The following INSR variants were observed in gnomAD, a reference collection of about 807,000 sequenced individuals.
INSR encodes the protein IR.
Under a neutral mutation model 142.6 loss-of-function variants are expected in INSR, and 67 were observed. The observed-to-expected ratio is 0.47, with a 90% CI of 0.39 to 0.58. INSR has a LOEUF of 0.58. Ranked by LOEUF, INSR falls within the 20% of genes least tolerant of loss-of-function variation. The pLI, the probability that INSR is intolerant of heterozygous loss-of-function variation, is 0.00. For synonymous variants in INSR, 756 were observed against 743.1 expected, an observed-to-expected ratio of 1.02 and a Z score of -0.28; for missense variants, 1,248 against 1,833.2, an observed-to-expected ratio of 0.68 and a Z score of 5.83.
intron 2 of INSR, among the ~76,000 whole-genome samples, chr19:7,259,104 C>CTTCCTTCCTTCT (rs138400357): frequency 0.66 from 85,218 of 129,264 alleles, 30,115 homozygotes; most frequent in Admixed American, 0.79. Flanking sequence ...TCCCTCCTTC[C>CTTCCTTCCTTCT]TTCCTTCCTT....
At chr19:7,180,481 G>A (rs1029686291) in intron 3 of INSR, among the ~76,000 whole-genome samples, 1 of 142,286 alleles carries the variant, frequency 7.0e-6, no homozygotes, top group African/African-American at 2.7e-5. Flanking sequence ...AGTGAGCCAT[G>A]TGGGTGCCAC....
intron 2 of INSR, among the ~76,000 whole-genome samples, chr19:7,247,969 C>G (rs540136629): frequency 6.6e-6 from 1 of 152,138 alleles, no homozygotes; most frequent in African/African-American, 2.4e-5. Context: ...CAGCGTCATT[C>G]TAGAATTTCA....
At chr19:7,263,420 C>A (rs1977124904) in intron 2 of INSR, among the ~76,000 whole-genome samples, 1 of 152,044 alleles carries the variant, frequency 6.6e-6, no homozygotes, top group South Asian at 2.1e-4. Context: ...ATTTTTTGGC[C>A]CCCTGGGGAT....
chr19:7,249,336 A>G (rs1000026985), intron 2 of INSR, among the ~76,000 whole-genome samples: 11 of 152,140 alleles, frequency 7.2e-5, no homozygotes, highest in Non-Finnish European at 1.5e-5. Context: ...TTCCTTTGCA[A>G]ATAACCTTCA....
chr19:7,174,004 C>T (rs1974078966), intron 4 of INSR, among the ~76,000 whole-genome samples: 1 of 151,828 alleles, frequency 6.6e-6, no homozygotes, highest in Non-Finnish European at 1.5e-5. Flanking sequence ...ATTCCAAAGC[C>T]AGGTGGGGTG....
rs1555746888 is a variant in INSR, at chr19:7,184,663, G to GGAAAT, written c.653-27_653-26insATTTC. 637 of 962,512 alleles carry GGAAAT rather than the reference G, an allele frequency of 6.6e-4. 3 individuals are homozygous for GGAAAT. The highest frequency in any genetic ancestry group is 5.2e-3 in the African/African-American group (279 of 54,032). The allele number at this position is 962,512 out of a possible 1,614,324, so 59.6% of individuals were successfully genotyped here. ...CTGGAGAGAGAGAGAGAGAGAGAGG[G>GGAAAT]AAATAAATAAATAAATAAATAAATA... is the stretch of plus-strand genomic sequence containing the variant. On this transcript the variant is annotated intron_variant, in intron 2 of 21. Transcript: ENST00000302850.
chr19:7,266,581 C>T (rs1403707225), intron 2 of INSR, among the ~76,000 whole-genome samples: 5 of 152,166 alleles, frequency 3.3e-5, no homozygotes, highest in South Asian at 2.1e-4. Flanking sequence ...GATGGGGTTT[C>T]ACCGTGTTGG....
intron 1 of INSR, among the ~76,000 whole-genome samples, chr19:7,285,043 A>G (rs1420874881): frequency 1.3e-5 from 2 of 152,244 alleles, no homozygotes; most frequent in Middle Eastern, 3.4e-3. Context: ...GGCCAGGTGC[A>G]GTGGCTCATG....
At chr19:7,154,803 A>G (rs1239324166) in intron 9 of INSR, among the ~76,000 whole-genome samples, 2 of 151,894 alleles carry the variant, frequency 1.3e-5, no homozygotes, top group Non-Finnish European at 2.9e-5. Context: ...GGGTGCCTGT[A>G]ATCCCAGCTA....
At chr19:7,256,911 C>T (rs1338189271) in intron 2 of INSR, among the ~76,000 whole-genome samples, 3 of 146,674 alleles carry the variant, frequency 2.0e-5, no homozygotes, top group South Asian at 2.2e-4. Context: ...CCATCATTCA[C>T]GTTACATGCT....
At chr19:7,132,088 C>G in intron 14 of INSR, 70 bp downstream of exon 14, 1 of 1,595,544 alleles carries the variant, frequency 6.3e-7, no homozygotes, top group Non-Finnish European at 8.6e-7. Flanking sequence ...CCAAGTCATC[C>G]CCTGCAATGT....
chr19:7,292,277 G>A (rs531091106), intron 1 of INSR, among the ~76,000 whole-genome samples: 172 of 149,876 alleles, frequency 1.1e-3, no homozygotes, highest in African/African-American at 3.8e-3. Flanking sequence ...TTTGAGCAGA[G>A]AAGGGAGTTT....
At position 7,166,610 on chromosome 19, in the gene INSR, C is replaced by T. The variant is rs1417235190; in HGVS notation, c.1611-206G>A. Among the ~76,000 whole-genome samples, 2 of 152,152 alleles carry T rather than the reference C, an allele frequency of 1.3e-5. No individual in the cohort carries two copies. Among genetic ancestry groups the T allele is most frequent in the Non-Finnish European group, 2.9e-5 (2 of 68,026 alleles). Reference sequence around the variant, plus strand: ...TCTCAATGAAAAAACACAGCTTGGGCATCCCTTATTCAAAACACTTGAGAC... The same window carrying T: ...TCTCAATGAAAAAACACAGCTTGGGTATCCCTTATTCAAAACACTTGAGAC... On this transcript the variant is annotated intron_variant, in intron 7 of 21. Transcript: ENST00000302850. The surrounding 1 kb of genome is among the most constrained non-coding windows in gnomAD (Gnocchi z 4.1).
Position 7,163,096 on chromosome 19 carries a change from G to A in INSR, c.1965C>T (p.Tyr655=). 4 of 1,614,062 alleles carry A rather than the reference G, an allele frequency of 2.5e-6. No individual in the cohort carries two copies. The highest frequency in any genetic ancestry group is 3.4e-6 in the Non-Finnish European group (4 of 1,180,002). Residue 655 remains tyrosine, a synonymous_variant, in exon 9 of 22, where the codon TAC becomes TAT. Transcript: ENST00000302850. The stretch of plus-strand genomic sequence containing the variant: ...CCGCCTGCCTCTCCCAGAAAACCAG[G>A]TAGTGGGTGATGTTGCCATTGGGGT... ...PSDPNGNITH[Y]LVFWERQAED...
intron 2 of INSR, among the ~76,000 whole-genome samples, chr19:7,222,985 C>T (rs879861640): frequency 6.6e-6 from 1 of 152,122 alleles, no homozygotes; most frequent in Non-Finnish European, 1.5e-5. Context: ...GAGTTTGAGA[C>T]CAGCCTGGCC....
intron 19 of INSR, among the ~76,000 whole-genome samples, chr19:7,121,124 A>G (rs1370033662): frequency 1.3e-5 from 2 of 151,720 alleles, no homozygotes; most frequent in Non-Finnish European, 2.9e-5. Context: ...CAGCCTCCTG[A>G]GTAGCTAGGA....
chr19:7,157,761 A>T (rs1973634764), intron 9 of INSR, among the ~76,000 whole-genome samples: 1 of 151,672 alleles, frequency 6.6e-6, no homozygotes, highest in East Asian at 1.9e-4. Flanking sequence ...GTGCCTGGTG[A>T]CTGCTGAGCA....
chr19:7,167,304 C>T (rs148909458), intron 7 of INSR, among the ~76,000 whole-genome samples: 41 of 152,088 alleles, frequency 2.7e-4, no homozygotes, highest in African/African-American at 7.5e-4. Context: ...TGGTCAGGTG[C>T]GGTGGCTCAT....
chr19:7,223,840 A>C (rs1192659153), intron 2 of INSR, among the ~76,000 whole-genome samples: 1 of 152,074 alleles, frequency 6.6e-6, no homozygotes, highest in Non-Finnish European at 1.5e-5. Flanking sequence ...TGACTTATGG[A>C]TATTCCCAGG....
Sources: gnomAD v4.1 joint callset for allele counts (sites outside exome capture counted in the v4.1 genomes callset) on GRCh38, gnomAD v4.1.1 for gene constraint, Gnocchi (gnomAD v3.1) non-coding constraint, MANE v1.5 for transcripts, NCBI Gene and HGNC (gene_info 2026-07-23, HGNC 2026-07-21) for gene names.